COL6A6: variants seen among roughly 807,000 people sequenced by gnomAD.
COL6A6 encodes the protein collagen alpha-6(VI) chain.
A neutral mutation model predicts 208.6 loss-of-function variants in COL6A6; 183 were observed. The observed-to-expected ratio is 0.88, with a 90% CI of 0.78 to 0.99. The LOEUF is 0.99. Ranked by LOEUF, COL6A6 falls within the 50% of genes least tolerant of loss-of-function variation. The pLI, the probability that COL6A6 is intolerant of heterozygous loss-of-function variation, is 0.00. For synonymous variants in COL6A6, 973 were observed against 1,011.8 expected, an observed-to-expected ratio of 0.96 and a Z score of 0.73; for missense variants, 2,816 against 2,815.2, an observed-to-expected ratio of 1.00 and a Z score of -0.01.
rs1416130187 is a variant in COL6A6 at position 130,665,019 on chromosome 3, T to C, written c.6519T>C (p.Tyr2173=). 2.5e-6 allele frequency: 4 copies of C among 1,603,424 alleles called. No homozygotes were observed. The highest frequency in any genetic ancestry group is 3.4e-6 in the Non-Finnish European group (4 of 1,174,022). The stretch of plus-strand genomic sequence containing the variant: ...CTCTTCTAGGTGCAATCAACAAATA[T>C]CCACCAATAAACTTAAAAATAAAGT... ...INSIRRAINK[Y]PPINLKIKCN... is the part of the protein sequence containing the mutation. The change falls in exon 36 of 37, where the codon TAT becomes TAC. Residue 2173 remains tyrosine (Y), a synonymous_variant. Transcript: ENST00000358511.
At chr3:130,547,389 C>T (rs2062537721) in intron 1 of COL6A6, among the ~76,000 whole-genome samples, 1 of 152,270 alleles carries the variant, frequency 6.6e-6, no homozygotes, top group Non-Finnish European at 1.5e-5. Flanking sequence ...CCACTGGGAA[C>T]TCGCACTGGC....
intron 21 of COL6A6, 83 bp downstream of exon 21, chr3:130,607,049 T>C (rs1417989154): frequency 4.5e-5 from 50 of 1,100,160 alleles, no homozygotes; most frequent in Non-Finnish European, 6.3e-5. Context: ...GTAAAGTCTC[T>C]AAACTTCCCT....
chr3:130,578,673 C>T (rs768861572), intron 8 of COL6A6, among the ~76,000 whole-genome samples: 2 of 151,920 alleles, frequency 1.3e-5, no homozygotes, highest in Non-Finnish European at 2.9e-5. Context: ...AGAGAGTTAA[C>T]TTCCCTACAC....
At chr3:130,594,993 A>T (rs1422447625) in intron 18 of COL6A6, among the ~76,000 whole-genome samples, 1 of 152,164 alleles carries the variant, frequency 6.6e-6, no homozygotes, top group Admixed American at 6.5e-5. Flanking sequence ...ATGTGGGATT[A>T]TTACAATTCA....
Position 130,563,623 on chromosome 3 carries a change from T to TA in COL6A6, c.623dup (p.Tyr209ValfsTer7). On this transcript the variant is annotated frameshift_variant, in exon 3 of 37. Coordinates refer to ENST00000358511, the MANE Select transcript of COL6A6 (RefSeq NM_001102608.3). LOFTEE classifies it high-confidence loss of function. ...ATGACACACATCATCAAGGATGTAA[T>TA]AAAGTACAAGGAGGGAGCAGTTGAT... The TA allele has an allele frequency of 1.2e-6, 2 of 1,613,804 alleles. No homozygotes were observed. The highest frequency in any genetic ancestry group is 1.7e-6 in the Non-Finnish European group (2 of 1,179,768).
chr3:130,529,595 C>T (rs1046232426), intron 1 of COL6A6, among the ~76,000 whole-genome samples: 5 of 152,158 alleles, frequency 3.3e-5, no homozygotes, highest in African/African-American at 1.2e-4. Flanking sequence ...CATGCTGCCT[C>T]ACCTCATTAC....
At chr3:130,639,789 C>A (rs1054565861) in intron 28 of COL6A6, among the ~76,000 whole-genome samples, 4 of 151,166 alleles carry the variant, frequency 2.6e-5, no homozygotes, top group Non-Finnish European at 5.9e-5. Flanking sequence ...TAGCTAAATT[C>A]TTTGTTTAGC....
In COL6A6 at chr3:130,562,986, T is replaced by G. The variant is rs572400512; in HGVS notation, c.65-82T>G. 1.4e-5 allele frequency: 14 copies of G among 1,000,388 alleles called. No individual in the cohort carries two copies. The African/African-American group carries it at 2.1e-4, about 15-fold the overall frequency. 62.0% of individuals were successfully genotyped at this position (1,000,388 alleles called of 1,614,324 possible). A position where few individuals can be genotyped will look rare whatever the true frequency, so the allele number is the denominator to read the frequency against. On this transcript the variant is annotated intron_variant, in intron 2 of 36. Transcript: ENST00000358511. ...ATTTTAAAAATAAAAAGGAAAGTAC[T>G]TCCCCGCCATAGAGTTGGCATTAAA...
intron 34 of COL6A6, among the ~76,000 whole-genome samples, chr3:130,660,841 G>C (rs1296498427): frequency 1.3e-5 from 2 of 152,152 alleles, no homozygotes; most frequent in Non-Finnish European, 2.9e-5. Context: ...ATACTGGTGT[G>C]TCCTTAGGCA....
At chr3:130,599,183 CATT>C (rs1354761439) in intron 19 of COL6A6, among the ~76,000 whole-genome samples, 1 of 152,112 alleles carries the variant, frequency 6.6e-6, no homozygotes, top group Non-Finnish European at 1.5e-5. Context: ...AATTTAATGA[CATT>C]ATAACCTTCA....
intron 28 of COL6A6, among the ~76,000 whole-genome samples, chr3:130,641,128 G>C (rs2065293894): frequency 6.6e-6 from 1 of 151,572 alleles, no homozygotes; most frequent in African/African-American, 2.4e-5. Context: ...AGAAGCAGCT[G>C]TGATAATAGG....
At chr3:130,537,331 T>G (rs1019704834) in intron 1 of COL6A6, among the ~76,000 whole-genome samples, 3 of 152,180 alleles carry the variant, frequency 2.0e-5, no homozygotes, top group African/African-American at 7.2e-5. Context: ...TTGAGACAAT[T>G]AAGTGTGGCT....
intron 27 of COL6A6, 120 bp from the exon 28 acceptor site, chr3:130,635,579 T>C: frequency 1.5e-6 from 1 of 667,484 alleles, no homozygotes; most frequent in South Asian, 1.9e-5. Context: ...TCTTCAAAGA[T>C]GACTGTTAAA....
chr3:130,597,768 A>G (rs558531098), intron 18 of COL6A6, among the ~76,000 whole-genome samples: 2 of 152,184 alleles, frequency 1.3e-5, no homozygotes, highest in Non-Finnish European at 2.9e-5. Context: ...GGAAAATTCA[A>G]AATTTCAGGA....
intron 1 of COL6A6, among the ~76,000 whole-genome samples, chr3:130,541,698 T>C (rs1030234634): frequency 6.6e-5 from 10 of 152,230 alleles, no homozygotes; most frequent in African/African-American, 2.2e-4. Context: ...TGATGACATA[T>C]AGTGTATTCC....
chr3:130,581,698 T>C lies in COL6A6; in HGVS notation c.3685T>C (p.Cys1229Arg). 1 of 1,613,958 alleles carries C rather than the reference T, an allele frequency of 6.2e-7. No homozygotes were observed. The highest frequency in any genetic ancestry group is 1.1e-5 in the South Asian group (1 of 91,080). ...RAISSLNGVS[C>R]EVGTETQVSV... ...CATCAGCTCCCTCAATGGAGTAAGC[T>C]GTGAGGTGGGCACAGAGACTCAGGT... Residue 1229 changes from cysteine to arginine, a missense_variant, in exon 9 of 37, where the codon TGT becomes CGT. Physicochemically the swap from Cys to Arg is radical, Grantham distance 180. Transcript: ENST00000358511.
intron 23 of COL6A6, among the ~76,000 whole-genome samples, chr3:130,618,359 CTATT>C (rs1171607669): frequency 1.3e-5 from 2 of 152,202 alleles, no homozygotes; most frequent in Non-Finnish European, 2.9e-5. Flanking sequence ...AAATAGAAGA[CTATT>C]TACCACTCAG....
intron 1 of COL6A6, among the ~76,000 whole-genome samples, chr3:130,556,907 T>A (rs529451118): frequency 1.2e-4 from 19 of 152,232 alleles, no homozygotes; most frequent in Non-Finnish European, 2.5e-4. Flanking sequence ...GGCAGTTTTC[T>A]CCAGGGGATG....
intron 28 of COL6A6, among the ~76,000 whole-genome samples, chr3:130,639,156 C>T (rs1186402926): frequency 6.6e-6 from 1 of 152,066 alleles, no homozygotes; most frequent in Non-Finnish European, 1.5e-5. Flanking sequence ...TTGAGTTTAT[C>T]TTACAGTGTT....
Sources: gnomAD v4.1 joint callset for allele counts (sites outside exome capture counted in the v4.1 genomes callset) on GRCh38, gnomAD v4.1.1 for gene constraint, MANE v1.5 for transcripts, NCBI Gene and HGNC (gene_info 2026-07-23, HGNC 2026-07-21) for gene names.